Variants in TLL1 observed in about 807,000 individuals in gnomAD.
TLL1 encodes tolloid like 1, also known as tolloid-like protein 1.
TLL1 carries 49 observed loss-of-function variants against 128.2 expected under a neutral mutation model. The ratio of observed to expected loss-of-function variants is 0.38; its 90% confidence interval spans 0.30 to 0.48. The LOEUF (loss-of-function observed/expected upper bound fraction) is 0.48, where lower values mean the gene tolerates loss of function less well. Ranked by LOEUF, TLL1 falls within the 20% of genes least tolerant of loss-of-function variation. The pLI is 0.96. For missense variants in TLL1, 1,123 were observed against 1,242.0 expected (o/e 0.90, Z 1.44); for synonymous variants, 454 against 418.8 (o/e 1.08, Z -1.03).
intron 9 of TLL1, among the ~76,000 whole-genome samples, chr4:166,038,473 A>G (rs1052925819): frequency 6.8e-6 from 1 of 147,888 alleles, no homozygotes; most frequent in African/African-American, 2.5e-5. Context: ...ATAGAGTTAG[A>G]ATGAGTTTTT....
At chr4:165,935,853 C>G (rs1022197081) in intron 1 of TLL1, among the ~76,000 whole-genome samples, 1 of 152,094 alleles carries the variant, frequency 6.6e-6, no homozygotes, top group Middle Eastern at 3.4e-3. Context: ...TATAATTTAC[C>G]TTAATCTAGG....
At chr4:165,879,706 T>C (rs1730894154) in intron 1 of TLL1, among the ~76,000 whole-genome samples, 1 of 151,348 alleles carries the variant, frequency 6.6e-6, no homozygotes, top group Non-Finnish European at 1.5e-5. Context: ...GCATTGCACA[T>C]CCTGCTGAGA....
chr4:166,078,624 A>G (rs1403955829), intron 18 of TLL1, among the ~76,000 whole-genome samples: 1 of 152,216 alleles, frequency 6.6e-6, no homozygotes. Flanking sequence ...TGCATTCTGC[A>G]TTCTGGCCTG....
chr4:166,003,534 A>C lies in TLL1; in HGVS notation c.776A>C (p.Asn259Thr), dbSNP rs143865061. The change falls in exon 6 of 21, where the codon AAC becomes ACC. Residue 259 changes from asparagine to threonine, a missense_variant. This residue lies in a region of TLL1 where 480 missense variants were observed against 542.4 expected (regional missense o/e 0.89). Coordinates refer to ENST00000061240, the MANE Select transcript of TLL1 (RefSeq NM_012464.5). ...WHEHTRPDRDNHVTIIRENIQ... is the reference protein window; with the variant it reads ...WHEHTRPDRDTHVTIIRENIQ... ...GAACACACAAGACCAGATCGAGATAACCACGTAACTATCATAAGAGAAAAC... is the reference window on the plus strand; with the variant it reads ...GAACACACAAGACCAGATCGAGATACCCACGTAACTATCATAAGAGAAAAC... 2.5e-6 allele frequency: 4 copies of C among 1,613,944 alleles called. No individual in the cohort carries two copies. Among genetic ancestry groups the C allele is most frequent in the African/African-American group, 1.3e-5 (1 of 74,924 alleles).
intron 18 of TLL1, among the ~76,000 whole-genome samples, chr4:166,086,052 A>C (rs1158895336): frequency 6.6e-6 from 1 of 152,156 alleles, no homozygotes; most frequent in African/African-American, 2.4e-5. Flanking sequence ...CTATAAGCTC[A>C]AAAAGATATT....
intron 1 of TLL1, among the ~76,000 whole-genome samples, chr4:165,963,145 C>T (rs2110963576): frequency 7.0e-6 from 1 of 143,430 alleles, no homozygotes; most frequent in African/African-American, 2.6e-5. Context: ...TAGATAAATA[C>T]TGGGGAATAC....
chr4:166,095,729 A>T (rs752112744), intron 19 of TLL1, among the ~76,000 whole-genome samples: 2 of 152,112 alleles, frequency 1.3e-5, no homozygotes, highest in African/African-American at 2.4e-5. Context: ...TCCAAATTAA[A>T]ATGAAGTTCA....
intron 16 of TLL1, among the ~76,000 whole-genome samples, chr4:166,069,767 C>A (rs920458599): frequency 1.1e-4 from 17 of 151,670 alleles, no homozygotes; most frequent in Non-Finnish European, 2.1e-4. Context: ...AAGAAACTCT[C>A]ATCTATCAAT....
chr4:166,039,899 A>G (rs1739168129), intron 10 of TLL1, among the ~76,000 whole-genome samples: 1 of 152,216 alleles, frequency 6.6e-6, no homozygotes, highest in African/African-American at 2.4e-5. Flanking sequence ...TGCCAAGCAT[A>G]TTAACTCTTA....
chr4:166,066,123 G>A (rs1259762039), intron 16 of TLL1, among the ~76,000 whole-genome samples: 1 of 151,596 alleles, frequency 6.6e-6, no homozygotes, highest in Non-Finnish European at 1.5e-5. Context: ...GGAAAATGTA[G>A]TCTCATTTTA....
At chr4:165,908,977 A>G (rs963905322) in intron 1 of TLL1, among the ~76,000 whole-genome samples, 16 of 152,194 alleles carry the variant, frequency 1.1e-4, no homozygotes, top group Admixed American at 7.2e-4. Flanking sequence ...CAGGCTGATC[A>G]CTTGAGGTCA....
intron 1 of TLL1, among the ~76,000 whole-genome samples, chr4:165,979,864 G>A (rs563054841): frequency 3.3e-5 from 5 of 152,256 alleles, no homozygotes; most frequent in Admixed American, 6.5e-5. Flanking sequence ...GCAAAACTCC[G>A]TGGTGAATAT....
intron 12 of TLL1, among the ~76,000 whole-genome samples, chr4:166,051,839 G>A (rs1739754787): frequency 6.6e-6 from 1 of 152,146 alleles, no homozygotes; most frequent in African/African-American, 2.4e-5. Context: ...GTGTGAGAAT[G>A]CTGTTGCCCC....
chr4:165,939,646 T>C (rs77687620), intron 1 of TLL1, among the ~76,000 whole-genome samples: 5,437 of 152,162 alleles, frequency 0.036, 286 homozygotes, highest in African/African-American at 0.12. Context: ...TCTTCATTAT[T>C]ACTGTAAGAT....
chr4:165,985,032 A>AT (rs1439311836), intron 1 of TLL1, among the ~76,000 whole-genome samples: 1 of 151,980 alleles, frequency 6.6e-6, no homozygotes, highest in Non-Finnish European at 1.5e-5. Context: ...TCTCATTCAC[A>AT]TTTTTGTGCC....
At chr4:166,065,116 C>A (rs981801011) in intron 15 of TLL1, among the ~76,000 whole-genome samples, 5 of 152,012 alleles carry the variant, frequency 3.3e-5, no homozygotes, top group African/African-American at 1.2e-4. Context: ...AATGAGGCTA[C>A]CTTATTTTAA....
intron 10 of TLL1, among the ~76,000 whole-genome samples, chr4:166,041,592 C>A (rs946634340): frequency 2.6e-5 from 4 of 151,922 alleles, no homozygotes; most frequent in African/African-American, 9.7e-5. Context: ...AGCCACTGTG[C>A]CTGGCCGAGA....
intron 1 of TLL1, among the ~76,000 whole-genome samples, chr4:165,960,278 C>G (rs1735031943): frequency 1.3e-5 from 2 of 152,012 alleles, no homozygotes; most frequent in South Asian, 4.1e-4. Context: ...AATTGAAACC[C>G]TGAACAGACC....
At chr4:166,006,068 C>G (rs1439300340) in intron 6 of TLL1, among the ~76,000 whole-genome samples, 1 of 151,572 alleles carries the variant, frequency 6.6e-6, no homozygotes, top group East Asian at 1.9e-4. Context: ...TTATGATTTG[C>G]TGTCACTCAG....
Sources: gnomAD v4.1 joint callset for allele counts (sites outside exome capture counted in the v4.1 genomes callset) on GRCh38, gnomAD v4.1.1 for gene constraint, gnomAD v4.1.1 regional missense constraint, MANE v1.5 for transcripts, NCBI Gene and HGNC (gene_info 2026-07-23, HGNC 2026-07-21) for gene names.